Variants in CFAP65 observed in about 807,000 individuals in gnomAD.
The protein encoded by CFAP65 is cilia- and flagella-associated protein 65.
A neutral mutation model predicts 208.0 loss-of-function variants in CFAP65; 155 were observed. The ratio of observed to expected loss-of-function variants is 0.75; its 90% CI spans 0.65 to 0.85. CFAP65 has a LOEUF of 0.85. Among genes scored for constraint, CFAP65 ranks in the 40% least tolerant of loss-of-function variants. CFAP65 has a pLI of 0.00. For synonymous variants in CFAP65, 970 were observed against 986.3 expected, an observed-to-expected ratio of 0.98 and a Z score of 0.31; for missense variants, 2,294 against 2,451.3, an observed-to-expected ratio of 0.94 and a Z score of 1.36.
intron 28 of CFAP65, 63 bp downstream of exon 28, chr2:219,009,284 C>T: frequency 5.4e-6 from 8 of 1,469,640 alleles, no homozygotes; most frequent in Non-Finnish European, 6.7e-6. Flanking sequence ...CAGCCCATCA[C>T]ACCCCACCCC....
At chr2:219,006,261 GCAC>G in intron 30 of CFAP65, 38 bp from the exon 31 acceptor site, 1 of 1,580,548 alleles carries the variant, frequency 6.3e-7, no homozygotes, top group Non-Finnish European at 8.6e-7. Context: ...AAGGGTTTGG[GCAC>G]CACATTCACA....
chr2:219,030,912 G>A lies in CFAP65; in HGVS notation c.1016-78C>T. ...CCAGCTGAACAGCCCCTCGAAGAAG[G>A]CAGGTGGCCCCAGGGAAAATTTAGC... On this transcript the variant is annotated intron_variant, in intron 8 of 34. Transcript: ENST00000341552. 13 of 1,536,318 alleles carry A rather than the reference G, an allele frequency of 8.5e-6. No homozygotes were observed. In the South Asian group the frequency reaches 1.5e-4, roughly 18 times the overall value.
chr2:219,030,376 C>A (rs552859415), intron 9 of CFAP65, among the ~76,000 whole-genome samples, 168 bp from the exon 10 acceptor site: 1 of 152,192 alleles, frequency 6.6e-6, no homozygotes, highest in Non-Finnish European at 1.5e-5. Context: ...GAGAAGGGAC[C>A]GAGTCATGTG....
intron 21 of CFAP65, chr2:219,018,651 A>T (rs1475849683): frequency 1.3e-5 from 3 of 224,374 alleles, no homozygotes; most frequent in Middle Eastern, 3.4e-3. Flanking sequence ...CTGAGTCCTT[A>T]ACCTTGCTGA....
At chr2:219,017,966 C>G (rs1297835139) in intron 21 of CFAP65, among the ~76,000 whole-genome samples, 3 of 152,188 alleles carry the variant, frequency 2.0e-5, no homozygotes, top group African/African-American at 7.2e-5. Flanking sequence ...CAGGAGCCCC[C>G]TAAAGAGCCA....
Position 219,030,585 on chromosome 2 carries a change from C to T in CFAP65, c.1161+104G>A, listed in dbSNP as rs1947948259. ...GACATGGGTTACATGAGGCTTGGGG[C>T]CAAAGGCATGGAGAGAAAGGGGGGG... On this transcript the variant is annotated intron_variant, in intron 9 of 34. Coordinates refer to ENST00000341552, the MANE Select transcript of CFAP65 (RefSeq NM_194302.4). 1.2e-5 allele frequency: 18 copies of T among 1,455,000 alleles called. 1 individual carries two copies. The highest frequency in any genetic ancestry group is 2.2e-4 in the Middle Eastern group (1 of 4,468). 90.1% of individuals were successfully genotyped at this position (1,455,000 alleles called of 1,614,324 possible).
chr2:219,023,927 G>A, intron 15 of CFAP65, 88 bp downstream of exon 15: 1 of 1,498,288 alleles, frequency 6.7e-7, no homozygotes, highest in Non-Finnish European at 9.0e-7. Flanking sequence ...AAATCTTAGG[G>A]GCCAACCCCA....
chr2:219,028,158 G>A (rs753769331), intron 12 of CFAP65, 43 bp downstream of exon 12: 3 of 1,602,436 alleles, frequency 1.9e-6, no homozygotes, highest in South Asian at 2.2e-5. Context: ...GATTGCCCAA[G>A]AATCACTAGA....
chr2:219,022,369 G>GC, intron 16 of CFAP65, 40 bp from the exon 17 acceptor site: 1 of 1,565,298 alleles, frequency 6.4e-7, no homozygotes, highest in Non-Finnish European at 8.7e-7. Flanking sequence ...GCCTTCGGAA[G>GC]CCCCTCCACA....
At position 219,013,272 on chromosome 2, in the gene CFAP65, A is replaced by T; in HGVS notation, c.3944T>A (p.Leu1315Gln). 3.1e-6 allele frequency: 5 copies of T among 1,612,254 alleles called. No individual in the cohort carries two copies. The highest frequency in any genetic ancestry group is 4.2e-6 in the Non-Finnish European group (5 of 1,178,488). ...QFIPIPIGDT[L>Q]PPRQIYELYN... ...TGGACCACTGACCTGCCGTGGGGGTAGCGTGTCACCAATGGGAATGGGGAT... is the reference window on the plus strand; with the variant it reads ...TGGACCACTGACCTGCCGTGGGGGTTGCGTGTCACCAATGGGAATGGGGAT... The change falls in exon 24 of 35, where the codon CTA becomes CAA. Residue 1315 changes from leucine to glutamine, a missense_variant. Physicochemically the swap from Leu to Gln is moderately radical, Grantham distance 113. Around this residue, in one of 2 missense-constraint regions of CFAP65, gnomAD observed 1,427 missense variants for 1,438.7 expected, o/e 0.99. Transcript: ENST00000341552.
At chr2:219,026,656 T>C (rs542652184) in intron 13 of CFAP65, 42 of 266,914 alleles carry the variant, frequency 1.6e-4, no homozygotes, top group African/African-American at 1.1e-3. Flanking sequence ...CTTTTCATAC[T>C]AAGTCTTGAA....
At chr2:219,006,433 C>T in intron 30 of CFAP65, 32 bp downstream of exon 30, 2 of 1,613,300 alleles carry the variant, frequency 1.2e-6, no homozygotes, top group Non-Finnish European at 1.7e-6. Context: ...CAAGTTGTCC[C>T]AAGAAGATGG....
At chr2:219,009,670 ATGGGGTGGGG>A (rs1239115957) in intron 27 of CFAP65, among the ~76,000 whole-genome samples, 1 of 56,334 alleles carries the variant, frequency 1.8e-5, no homozygotes. Flanking sequence ...ATGGGGTGGG[ATGGGGTGGGG>A]TGGGGTGGGG....
chr2:219,032,640 G>A lies in CFAP65; in HGVS notation c.543-68C>T. 10 of 1,400,418 alleles carry A rather than the reference G, an allele frequency of 7.1e-6. No individual in the cohort carries two copies. Among genetic ancestry groups the A allele is most frequent in the Middle Eastern group, 1.8e-4 (1 of 5,592 alleles). The allele number at this position is 1,400,418 out of a possible 1,614,324, so 86.7% of individuals were successfully genotyped here. ...AGAACAACTGGAAGAGGCAGGAAAC[G>A]AGGGAAGCCCTGCAGCCAAGGGAGC... On this transcript the variant is annotated intron_variant, in intron 5 of 34. Coordinates refer to ENST00000341552, the MANE Select transcript of CFAP65 (RefSeq NM_194302.4). The surrounding 1 kb of genome is among the most constrained non-coding windows in gnomAD (Gnocchi z 5.5).
intron 4 of CFAP65, among the ~76,000 whole-genome samples, 193 bp downstream of exon 4, chr2:219,038,182 T>C (rs568467145): frequency 1.5e-4 from 23 of 152,240 alleles, no homozygotes; most frequent in Non-Finnish European, 3.1e-4. Context: ...GTGTGTTCGA[T>C]GGCCAATATA....
chr2:219,032,533 C>CG lies in CFAP65; in HGVS notation c.581_582insC (p.Gln194HisfsTer32). On this transcript the variant is annotated frameshift_variant, in exon 6 of 35. Transcript: ENST00000341552. LOFTEE classifies it high-confidence loss of function. The surrounding 1 kb of genome is among the most constrained non-coding windows in gnomAD (Gnocchi z 5.5). Reference sequence around the variant, plus strand: ...TTATGCCTGGGCTCAGGAAGATGGGCTGAGGGATGACCGTGAAGAAGAACT... The same window carrying CG: ...TTATGCCTGGGCTCAGGAAGATGGGCGTGAGGGATGACCGTGAAGAAGAACT... 6.2e-7 allele frequency: 1 copy of CG among 1,607,040 alleles called. No individual in the cohort carries two copies. The highest frequency in any genetic ancestry group is 1.1e-5 in the South Asian group (1 of 89,236).
At chr2:219,041,194 C>G (rs190565443) in intron 1 of CFAP65, among the ~76,000 whole-genome samples, 1 of 152,276 alleles carries the variant, frequency 6.6e-6, no homozygotes, top group African/African-American at 2.4e-5. Flanking sequence ...CTAAAAATCT[C>G]CAAGATGACC....
intron 17 of CFAP65, 59 bp from the exon 18 acceptor site, chr2:219,021,989 C>T (rs1477209509): frequency 6.3e-7 from 1 of 1,597,334 alleles, no homozygotes; most frequent in Non-Finnish European, 8.5e-7. Flanking sequence ...CAGCCCCACT[C>T]TCCCAGCCCC....
intron 11 of CFAP65, 89 bp downstream of exon 11, chr2:219,029,314 A>G: frequency 6.7e-7 from 1 of 1,496,954 alleles, no homozygotes; most frequent in South Asian, 1.3e-5. Flanking sequence ...GTTCCAGAAT[A>G]CAGGGAAGTG....
Sources: gnomAD v4.1 joint callset for allele counts (sites outside exome capture counted in the v4.1 genomes callset) on GRCh38, gnomAD v4.1.1 for gene constraint, gnomAD v4.1.1 regional missense constraint, Gnocchi (gnomAD v3.1) non-coding constraint, MANE v1.5 for transcripts, NCBI Gene and HGNC (gene_info 2026-07-23, HGNC 2026-07-21) for gene names.